The following WLS variants were observed in gnomAD, a reference collection of about 807,000 sequenced individuals.
WLS encodes the protein protein wntless homolog.
A neutral mutation model predicts 62.8 loss-of-function variants in WLS; 23 were observed. The ratio of observed to expected loss-of-function variants is 0.37; its 90% confidence interval spans 0.26 to 0.52. WLS has a LOEUF of 0.52. Among genes scored for constraint, WLS ranks in the 20% least tolerant of loss-of-function variants. WLS has a pLI of 0.92. For missense variants in WLS, 615 were observed against 697.3 expected (o/e 0.88, Z 1.33); for synonymous variants, 246 against 244.1 (o/e 1.01, Z -0.07).
chr1:68,162,797 T>C, intron 2 of WLS: 1 of 1,145,570 alleles, frequency 8.7e-7, no homozygotes, highest in East Asian at 2.3e-5. Flanking sequence ...ACGATCACTC[T>C]CGGGGCCTTA....
chr1:68,221,254 A>T (rs997774675), intron 1 of WLS, among the ~76,000 whole-genome samples: 3 of 152,220 alleles, frequency 2.0e-5, no homozygotes, highest in Non-Finnish European at 4.4e-5. Context: ...AGGGGGAGGC[A>T]TGAATAAAAA....
At chr1:68,101,298 C>T (rs2100288710) in intron 11 of WLS, among the ~76,000 whole-genome samples, 1 of 151,224 alleles carries the variant, frequency 6.6e-6, no homozygotes, top group Non-Finnish European at 1.5e-5. Context: ...AAATGTTCAT[C>T]ATATTTGCTA....
intron 2 of WLS, among the ~76,000 whole-genome samples, chr1:68,181,589 G>C (rs987507750): frequency 6.6e-6 from 1 of 152,176 alleles, no homozygotes; most frequent in Non-Finnish European, 1.5e-5. Flanking sequence ...AAGGATCTTA[G>C]AGTCCGCTGT....
chr1:68,160,707 CT>C (rs1010016061), intron 2 of WLS, among the ~76,000 whole-genome samples: 5 of 152,118 alleles, frequency 3.3e-5, no homozygotes, highest in African/African-American at 1.2e-4. Context: ...CATTATTTTT[CT>C]GCTTGGGACA....
At chr1:68,227,104 A>G (rs1312660897) in intron 1 of WLS, among the ~76,000 whole-genome samples, 2 of 152,196 alleles carry the variant, frequency 1.3e-5, no homozygotes, top group African/African-American at 4.8e-5. Flanking sequence ...CAATCAGATG[A>G]AAGAGCAATT....
At chr1:68,137,024 A>G (rs1646620601) in intron 11 of WLS, among the ~76,000 whole-genome samples, 2 of 152,242 alleles carry the variant, frequency 1.3e-5, no homozygotes, top group Non-Finnish European at 1.5e-5. Context: ...AAACAGAAAA[A>G]GCATCTATTA....
intron 1 of WLS, among the ~76,000 whole-genome samples, 188 bp downstream of exon 1, chr1:68,232,004 TTC>T (rs768812287): frequency 1.8e-3 from 274 of 152,134 alleles, no homozygotes; most frequent in Non-Finnish European, 2.8e-3. Context: ...TCCCCTCCTT[TTC>T]TCTTAGCCAC....
At chr1:68,212,765 G>A (rs975453396) in intron 1 of WLS, among the ~76,000 whole-genome samples, 1 of 152,036 alleles carries the variant, frequency 6.6e-6, no homozygotes, top group African/African-American at 2.4e-5. Context: ...TCTTATTTAA[G>A]CTTTCAGATC....
chr1:68,098,657 T>C, exon 12 of WLS: 3 of 1,613,982 alleles, frequency 1.9e-6, no homozygotes, highest in Non-Finnish European at 2.5e-6. Flanking sequence ...TGCGTTGTCA[T>C]TGATGAAGGA....
intron 2 of WLS, among the ~76,000 whole-genome samples, chr1:68,166,556 G>A (rs1007365639): frequency 1.3e-5 from 2 of 152,286 alleles, no homozygotes; most frequent in East Asian, 3.9e-4. Context: ...AACAAACACA[G>A]TAGAATTCAA....
chr1:68,137,368 T>TC (rs1423550647), intron 11 of WLS, among the ~76,000 whole-genome samples: 3 of 152,150 alleles, frequency 2.0e-5, no homozygotes, highest in Admixed American at 1.3e-4. Flanking sequence ...TGAAGCCTAT[T>TC]CCATCTTCAG....
At chr1:68,099,080 GC>G (rs905195485) in intron 11 of WLS, among the ~76,000 whole-genome samples, 1 of 152,078 alleles carries the variant, frequency 6.6e-6, no homozygotes, top group Admixed American at 6.6e-5. Flanking sequence ...AGATAGAACT[GC>G]CCCCCTCATC....
At chr1:68,213,470 A>AAGGAAAG (rs1649603023) in intron 1 of WLS, among the ~76,000 whole-genome samples, 1 of 151,556 alleles carries the variant, frequency 6.6e-6, no homozygotes, top group South Asian at 2.1e-4. Context: ...AAAAAAAAAA[A>AAGGAAAG]AGGAAAGACG....
At chr1:68,192,014 C>A (rs1347754615) in intron 2 of WLS, among the ~76,000 whole-genome samples, 1 of 152,176 alleles carries the variant, frequency 6.6e-6, no homozygotes. Context: ...TCACAGCACC[C>A]AGCATACCAC....
chr1:68,190,065 A>G (rs1304120595), intron 2 of WLS, among the ~76,000 whole-genome samples: 1 of 152,260 alleles, frequency 6.6e-6, no homozygotes, highest in Non-Finnish European at 1.5e-5. Context: ...TACATAAACT[A>G]ATTTATTCCT....
At chr1:68,149,424 GTC>G (rs781103560) in intron 6 of WLS, among the ~76,000 whole-genome samples, 2 of 152,092 alleles carry the variant, frequency 1.3e-5, no homozygotes, top group East Asian at 3.9e-4. Flanking sequence ...GTAGGAAGAA[GTC>G]TCTCTCTCTG....
At chr1:68,150,163 G>A (rs747884951) in intron 6 of WLS, 25 bp downstream of exon 6, 9 of 1,611,092 alleles carry the variant, frequency 5.6e-6, no homozygotes, top group African/African-American at 2.7e-5. Flanking sequence ...TGGTACAGAC[G>A]TCTGTCCCTC....
At chr1:68,115,364 G>A (rs1646277354) in intron 11 of WLS, among the ~76,000 whole-genome samples, 1 of 152,220 alleles carries the variant, frequency 6.6e-6, no homozygotes, top group South Asian at 2.1e-4. Context: ...AATTGCCCCT[G>A]CTTCTTGGGA....
intron 7 of WLS, 152 bp from the exon 8 acceptor site, chr1:68,148,351 T>A (rs1167531117): frequency 1.1e-6 from 1 of 927,928 alleles, no homozygotes; most frequent in Non-Finnish European, 1.6e-6. Context: ...GAAATGAAGC[T>A]TGTAGAATAC....
Sources: gnomAD v4.1 joint callset for allele counts (sites outside exome capture counted in the v4.1 genomes callset) on GRCh38, gnomAD v4.1.1 for gene constraint, MANE v1.5 for transcripts, NCBI Gene and HGNC (gene_info 2026-07-23, HGNC 2026-07-21) for gene names.